Variants in LAMA1 observed in about 807,000 individuals in gnomAD.
The protein encoded by LAMA1 is laminin subunit alpha 1.
In LAMA1, 219 loss-of-function variants were observed where a neutral mutation model predicts 348.7. The observed-to-expected ratio is 0.63, with a 90% CI of 0.56 to 0.70. LAMA1 has a LOEUF of 0.70. LAMA1 is among the 30% of genes least tolerant of loss of function. LAMA1 has a pLI of 0.00. For missense variants in LAMA1, 3,744 were observed against 3,888.0 expected, an observed-to-expected ratio of 0.96 and a Z score of 0.99; for synonymous variants, 1,487 against 1,491.0, an observed-to-expected ratio of 1.00 and a Z score of 0.06.
At chr18:6,956,559 C>A (rs2057579372) in intron 56 of LAMA1, 77 bp downstream of exon 56, 1 of 1,600,948 alleles carries the variant, frequency 6.2e-7, no homozygotes. Flanking sequence ...TACAGCAAGG[C>A]CCCATTTTAA....
Position 7,117,590 on chromosome 18 carries a change from CT to C in LAMA1, c.61+69del, listed in dbSNP as rs1208970357. 7 of 1,523,512 alleles carry C rather than the reference CT, an allele frequency of 4.6e-6. No homozygotes were observed. In the Admixed American group the frequency reaches 9.0e-5, roughly 20 times the overall value. 94.4% of individuals were successfully genotyped at this position (1,523,512 alleles called of 1,614,324 possible). On this transcript the variant is annotated intron_variant, in intron 1 of 62. Coordinates refer to ENST00000389658, the MANE Select transcript of LAMA1 (RefSeq NM_005559.4). ...ACTCCAGCAGCCCCAACGCGACGGG[CT>C]TTGTCCGCGGCCGCCCCCGCCCGCC...
intron 14 of LAMA1, among the ~76,000 whole-genome samples, 167 bp from the exon 15 acceptor site, chr18:7,033,262 C>G (rs925964708): frequency 3.3e-5 from 5 of 152,004 alleles, no homozygotes; most frequent in Admixed American, 1.3e-4. Flanking sequence ...GTCAAGAGAT[C>G]GAGACCATCC....
At chr18:6,947,081 G>T in intron 61 of LAMA1, 82 bp downstream of exon 61, 1 of 1,557,804 alleles carries the variant, frequency 6.4e-7, no homozygotes, top group Non-Finnish European at 8.9e-7. Flanking sequence ...ATAGATAGTT[G>T]TGAATTTGAA....
At chr18:6,976,903 C>T (rs770714778) in intron 44 of LAMA1, among the ~76,000 whole-genome samples, 36 of 152,288 alleles carry the variant, frequency 2.4e-4, no homozygotes, top group Middle Eastern at 3.4e-3. Context: ...AGCTACCAGG[C>T]CCAGCCTGTA....
At chr18:6,954,947 T>G in intron 57 of LAMA1, 1 of 317,066 alleles carries the variant, frequency 3.2e-6, no homozygotes, top group Non-Finnish European at 6.1e-6. Context: ...CAGAGAGGGG[T>G]GGGTGTGGCA....
chr18:7,039,095 A>G (rs903216764), intron 10 of LAMA1, 145 bp from the exon 11 acceptor site: 14 of 741,906 alleles, frequency 1.9e-5, no homozygotes, highest in African/African-American at 1.0e-4. Context: ...CATAAAGTCA[A>G]TATTTCCAGA....
chr18:6,948,814 T>C (rs562417630), intron 59 of LAMA1, among the ~76,000 whole-genome samples: 1 of 152,202 alleles, frequency 6.6e-6, no homozygotes, highest in South Asian at 2.1e-4. Flanking sequence ...AAATGCTGAG[T>C]TTACTAATGT....
rs768885419 is a variant in LAMA1, at chr18:6,982,497, C to G, written c.5890G>C (p.Gly1964Arg). Reference sequence around the variant, plus strand: ...TACACCGTCCGAGCCACATACTGACCTGGAAGCTTCCTGCTGAGGTTGTTG... The same window carrying G: ...TACACCGTCCGAGCCACATACTGACGTGGAAGCTTCCTGCTGAGGTTGTTG... ...EGNNLSRKLPGIALELSELRN... is the reference protein window; with the variant it reads ...EGNNLSRKLPRIALELSELRN... Residue 1964 changes from glycine (G) to arginine (R), a missense_variant and splice_region_variant, in exon 41 of 63, where the codon GGT (glycine) becomes CGT (arginine). Transcript: ENST00000389658. 6.2e-7 allele frequency: 1 copy of G among 1,613,950 alleles called. No homozygotes were observed. The highest frequency in any genetic ancestry group is 8.5e-7 in the Non-Finnish European group (1 of 1,179,926).
At chr18:7,034,788 T>A (rs1372193347) in intron 13 of LAMA1, 98 bp from the exon 14 acceptor site, 1 of 1,101,476 alleles carries the variant, frequency 9.1e-7, no homozygotes, top group East Asian at 2.6e-5. Context: ...GGTTTTTCAT[T>A]CGTGCCTAGC....
In LAMA1 at chr18:7,013,961, C is replaced by T. The variant is rs1432311908; in HGVS notation, c.3217G>A (p.Ala1073Thr). The T allele has an allele frequency of 6.2e-7, 1 of 1,613,896 alleles. No homozygotes were observed. Among genetic ancestry groups the T allele is most frequent in the Admixed American group, 1.7e-5 (1 of 60,002 alleles). ...CQCKSKFGGR[A>T]CDQCSLGYRD... ...TAACCCAAGGAACACTGATCGCAGGCCCGGCCACCAAATTTTGACTTGCAC... is the reference window on the plus strand; with the variant it reads ...TAACCCAAGGAACACTGATCGCAGGTCCGGCCACCAAATTTTGACTTGCAC... Residue 1073 changes from alanine (A) to threonine (T), a missense_variant, in exon 23 of 63, where the codon GCC (alanine) becomes ACC (threonine). Coordinates refer to ENST00000389658, the MANE Select transcript of LAMA1 (RefSeq NM_005559.4).
Position 6,947,168 on chromosome 18 carries a change from C to A in LAMA1, c.8839G>T (p.Gly2947Cys), listed in dbSNP as rs140080119. 15 of 1,614,164 alleles carry A rather than the reference C, an allele frequency of 9.3e-6. 1 individual carries two copies. In the South Asian group the frequency reaches 1.4e-4, roughly 15 times the overall value. Residue 2947 changes from glycine (G) to cysteine (C), a missense_variant, in exon 61 of 63, where the codon GGC becomes TGC. Coordinates refer to ENST00000389658, the MANE Select transcript of LAMA1 (RefSeq NM_005559.4). ...CATGGAGAGGAAGCACCCACCTTGCCGTCCACAAGCTCTAGTCCAATGGCA... is the reference window on the plus strand; with the variant it reads ...CATGGAGAGGAAGCACCCACCTTGCAGTCCACAAGCTCTAGTCCAATGGCA... Reference protein sequence around the residue: ...VDAIGLELVDGKVLFHVNNGA... With the variant: ...VDAIGLELVDCKVLFHVNNGA...
chr18:7,117,551 G>T, intron 1 of LAMA1, 109 bp downstream of exon 1: 1 of 1,187,742 alleles, frequency 8.4e-7, no homozygotes, highest in Non-Finnish European at 1.2e-6. Flanking sequence ...AGGTGGATCA[G>T]GATGCGCGCC....
At chr18:6,976,781 A>T (rs897112521) in intron 44 of LAMA1, among the ~76,000 whole-genome samples, 45 of 151,154 alleles carry the variant, frequency 3.0e-4, no homozygotes, top group Admixed American at 9.3e-4. Flanking sequence ...TATTATTATT[A>T]TTTTTTTTAG....
At chr18:7,066,862 A>T (rs569421123) in intron 3 of LAMA1, among the ~76,000 whole-genome samples, 1 of 152,352 alleles carries the variant, frequency 6.6e-6, no homozygotes, top group African/African-American at 2.4e-5. Flanking sequence ...TAAGCATTTA[A>T]CCAAATAATC....
intron 19 of LAMA1, among the ~76,000 whole-genome samples, chr18:7,018,129 C>T (rs990931838): frequency 1.3e-5 from 2 of 151,758 alleles, no homozygotes; most frequent in Admixed American, 1.3e-4. Flanking sequence ...TGAGATCAGG[C>T]GTTCAAGACC....
At chr18:7,054,425 T>C (rs2058073561) in intron 3 of LAMA1, among the ~76,000 whole-genome samples, 2 of 152,202 alleles carry the variant, frequency 1.3e-5, no homozygotes, top group South Asian at 4.1e-4. Flanking sequence ...AGCATTCACT[T>C]TTCTGACAGT....
chr18:7,066,292 T>C (rs1278412155), intron 3 of LAMA1, among the ~76,000 whole-genome samples: 1 of 152,158 alleles, frequency 6.6e-6, no homozygotes. Flanking sequence ...AAGCATAAGA[T>C]GAAATAATGA....
intron 44 of LAMA1, among the ~76,000 whole-genome samples, chr18:6,976,837 C>G (rs879572736): frequency 6.6e-6 from 1 of 151,944 alleles, no homozygotes; most frequent in Non-Finnish European, 1.5e-5. Flanking sequence ...CTCAAACTCC[C>G]GGCCTCAAGC....
intron 34 of LAMA1, among the ~76,000 whole-genome samples, 163 bp downstream of exon 34, chr18:6,995,194 G>A (rs2057775673): frequency 6.6e-6 from 1 of 152,190 alleles, no homozygotes. Context: ...GAAACTGGCA[G>A]GGTCAAAACC....
Sources: gnomAD v4.1 joint callset for allele counts (sites outside exome capture counted in the v4.1 genomes callset) on GRCh38, gnomAD v4.1.1 for gene constraint, MANE v1.5 for transcripts, NCBI Gene and HGNC (gene_info 2026-07-23, HGNC 2026-07-21) for gene names.